Variants in GRIP1 observed in about 807,000 individuals in gnomAD.
GRIP1 encodes glutamate receptor interacting protein 1.
Under a neutral mutation model 129.9 loss-of-function variants are expected in GRIP1, and 45 were observed. The ratio of observed to expected loss-of-function variants is 0.35; its 90% CI spans 0.27 to 0.44. The LOEUF (loss-of-function observed/expected upper bound fraction) is 0.44. GRIP1 is among the 20% of genes least tolerant of loss of function. GRIP1 has a pLI of 1.00. For missense variants in GRIP1, 1,196 were observed against 1,396.8 expected (o/e 0.86, Z 2.29); for synonymous variants, 530 against 520.8 (o/e 1.02, Z -0.24).
chr12:66,757,144 T>G (rs113662340), intron 1 of GRIP1, among the ~76,000 whole-genome samples: 11,490 of 152,256 alleles, frequency 0.075, 592 homozygotes, highest in Middle Eastern at 0.18. Context: ...TAAATTATTG[T>G]TGACGGTTGT....
At chr12:66,515,409 T>C (rs752352284) in intron 7 of GRIP1, among the ~76,000 whole-genome samples, 6 of 152,182 alleles carry the variant, frequency 3.9e-5, no homozygotes, top group Non-Finnish European at 8.8e-5. Context: ...GACTCTATTA[T>C]GGAACCTATT....
At chr12:66,561,762 C>T (rs1412195022) in intron 2 of GRIP1, among the ~76,000 whole-genome samples, 1 of 152,002 alleles carries the variant, frequency 6.6e-6, no homozygotes, top group African/African-American at 2.4e-5. Context: ...TTTAAGGTGC[C>T]AGCGATCGTA....
At position 66,574,571 on chromosome 12, in the gene GRIP1, C is replaced by A. The variant is rs116992444; in HGVS notation, c.136+22276G>T. 6.8e-4 allele frequency among the ~76,000 whole-genome samples: 103 copies of A among 152,318 alleles called. 1 individual carries two copies. Among genetic ancestry groups the A allele is most frequent in the Middle Eastern group, 3.4e-3 (1 of 294 alleles). On this transcript the variant is annotated intron_variant, in intron 2 of 24. Transcript: ENST00000359742. Reference sequence around the variant, plus strand: ...CTCATACGTTTAACAGTTTTATAAACCTTCCTAGAATAATGACATCCTAAT... The same window carrying A: ...CTCATACGTTTAACAGTTTTATAAAACTTCCTAGAATAATGACATCCTAAT...
chr12:66,535,059 G>A (rs1444148648), intron 4 of GRIP1, among the ~76,000 whole-genome samples: 1 of 151,994 alleles, frequency 6.6e-6, no homozygotes, highest in East Asian at 1.9e-4. Context: ...TTCCCTTCGC[G>A]CTGCACCCTT....
In GRIP1 at chr12:67,064,815, A is replaced by G. The variant is rs1003974193; in HGVS notation, c.58+4235T>C. Among the ~76,000 whole-genome samples the G allele has an allele frequency of 3.4e-5, 5 of 148,292 alleles. No homozygotes were observed. The Admixed American group carries it at 3.4e-4, about 10-fold the overall frequency. Reference sequence around the variant, plus strand: ...TGTGCACAATGTGCAGGTTAGTTACATATGTATACATGTGACATGCTGGTG... The same window carrying G: ...TGTGCACAATGTGCAGGTTAGTTACGTATGTATACATGTGACATGCTGGTG... On this transcript the variant is annotated intron_variant, in intron 1 of 1. Transcript: ENST00000643019.
intron 1 of GRIP1, among the ~76,000 whole-genome samples, chr12:66,820,350 T>C (rs955698217): frequency 5.9e-5 from 9 of 152,202 alleles, no homozygotes; most frequent in Non-Finnish European, 7.3e-5. Context: ...ACACTGGCAA[T>C]ACCAAATGCT....
intron 1 of GRIP1, among the ~76,000 whole-genome samples, chr12:66,894,657 T>C (rs1019622152): frequency 3.0e-4 from 45 of 152,120 alleles, no homozygotes; most frequent in African/African-American, 1.0e-3. Context: ...CCAAGGCTCC[T>C]GAGCTAATCA....
At chr12:66,781,526 A>G (rs1324954118) in intron 1 of GRIP1, among the ~76,000 whole-genome samples, 1 of 152,172 alleles carries the variant, frequency 6.6e-6, no homozygotes, top group Non-Finnish European at 1.5e-5. Context: ...AGTATACACA[A>G]TGTTTTCTTA....
At chr12:67,007,741 G>A (rs2042648578) in intron 1 of GRIP1, among the ~76,000 whole-genome samples, 1 of 152,114 alleles carries the variant, frequency 6.6e-6, no homozygotes, top group Non-Finnish European at 1.5e-5. Flanking sequence ...GTCATGGTGT[G>A]ACAGCAGTCT....
intron 1 of GRIP1, among the ~76,000 whole-genome samples, chr12:66,748,168 C>T (rs892004505): frequency 6.6e-6 from 1 of 151,974 alleles, no homozygotes; most frequent in Non-Finnish European, 1.5e-5. Context: ...ACAGGGCACA[C>T]CATCATGTCG....
chr12:66,977,144 A>AGT (rs1181909859), intron 1 of GRIP1, among the ~76,000 whole-genome samples: 1 of 152,150 alleles, frequency 6.6e-6, no homozygotes, highest in African/African-American at 2.4e-5. Flanking sequence ...TAATTATGAA[A>AGT]GTATATATAT....
rs568906334 is a variant in GRIP1 at position 66,768,259 on chromosome 12, T to C, written c.-420+35794A>G. Among the ~76,000 whole-genome samples, 3 of 152,348 alleles carry C rather than the reference T, an allele frequency of 2.0e-5. No individual in the cohort carries two copies. In the South Asian group the frequency reaches 6.2e-4, roughly 32 times the overall value. On this transcript the variant is annotated intron_variant, in intron 1 of 4. Transcript: ENST00000538373. ...TTTGAGAATTACTGGTACTTTCTGA[T>C]GAACTTCACTGAAATTAATATTTTA...
chr12:66,392,462 G>T lies in GRIP1; in HGVS notation c.2310C>A (p.Ser770Arg), dbSNP rs769621251. ...ASSPKKFPIS[S>R]HLSDLGDVEE... ...CCACATCCCCCAGGTCACTCAAATGGCTAGAAATAGGGAACTTCTTGGGGC... is the reference window on the plus strand; with the variant it reads ...CCACATCCCCCAGGTCACTCAAATGTCTAGAAATAGGGAACTTCTTGGGGC... The change falls in exon 19 of 25, where the codon AGC (serine) becomes AGA (arginine). Residue 770 changes from serine (S) to arginine (R), a missense_variant. Ser to Arg is a moderately radical substitution (Grantham distance 110, BLOSUM62 -1). This residue lies in a region of GRIP1 where 427 missense variants were observed against 463.3 expected (regional missense o/e 0.92). Transcript: ENST00000359742. The T allele has an allele frequency of 5.0e-6, 8 of 1,614,004 alleles. No individual in the cohort carries two copies. Among genetic ancestry groups the T allele is most frequent in the Non-Finnish European group, 5.9e-6 (7 of 1,180,000 alleles).
At chr12:66,396,696 C>T (rs1051936771) in intron 16 of GRIP1, among the ~76,000 whole-genome samples, 7 of 152,144 alleles carry the variant, frequency 4.6e-5, no homozygotes, top group Non-Finnish European at 1.0e-4. Flanking sequence ...CTAAGAAGGA[C>T]ACATTCCTGT....
At chr12:66,814,821 C>T (rs934773314) in intron 1 of GRIP1, among the ~76,000 whole-genome samples, 1 of 122,290 alleles carries the variant, frequency 8.2e-6, no homozygotes, top group Non-Finnish European at 1.8e-5. Context: ...AACTTTCAAT[C>T]ATGGCAAAAG....
intron 15 of GRIP1, among the ~76,000 whole-genome samples, chr12:66,412,295 T>C (rs2057430220): frequency 6.6e-6 from 1 of 152,156 alleles, no homozygotes; most frequent in Admixed American, 6.5e-5. Context: ...CAGCAGAAAC[T>C]CTACAAGCCA....
chr12:66,855,938 C>T (rs923794868), intron 1 of GRIP1, among the ~76,000 whole-genome samples: 1 of 151,272 alleles, frequency 6.6e-6, no homozygotes, highest in Non-Finnish European at 1.5e-5. Flanking sequence ...ATGCAAAAGA[C>T]CTGTTTAACC....
chr12:66,901,245 A>G (rs1382815478), intron 1 of GRIP1, among the ~76,000 whole-genome samples: 1 of 152,260 alleles, frequency 6.6e-6, no homozygotes, highest in Non-Finnish European at 1.5e-5. Flanking sequence ...AGAAAGAATG[A>G]AACCAGTAAA....
intron 15 of GRIP1, among the ~76,000 whole-genome samples, chr12:66,408,431 T>C (rs1185818324): frequency 1.3e-5 from 2 of 152,044 alleles, no homozygotes; most frequent in Non-Finnish European, 2.9e-5. Context: ...GTGAGCCGAT[T>C]GCACCACTGC....
Sources: allele counts gnomAD v4.1 joint callset (sites outside exome capture counted in the v4.1 genomes callset), GRCh38; gene constraint gnomAD v4.1.1; regional missense constraint gnomAD v4.1.1; transcripts MANE v1.5; gene names NCBI Gene and HGNC (gene_info 2026-07-23, HGNC 2026-07-21).